UNC79: variants seen among roughly 807,000 people sequenced by gnomAD.
UNC79 encodes the protein protein unc-79 homolog.
In UNC79, 37 loss-of-function variants were observed where a neutral mutation model predicts 283.1. The ratio of observed to expected loss-of-function variants is 0.13; its 90% CI spans 0.10 to 0.17. The LOEUF is 0.17. Among genes scored for constraint, UNC79 ranks in the 10% least tolerant of loss-of-function variants. The pLI is 1.00. For missense variants in UNC79, 2,272 were observed against 3,211.1 expected (o/e 0.71, Z 7.07); for synonymous variants, 1,107 against 1,200.2 (o/e 0.92, Z 1.61).
chr14:93,502,872 T>C (rs140926357), intron 7 of UNC79, among the ~76,000 whole-genome samples: 24 of 152,242 alleles, frequency 1.6e-4, no homozygotes, highest in Non-Finnish European at 2.2e-4. Flanking sequence ...CATCAGTACA[T>C]TGGATTTTTG....
At chr14:93,608,198 A>C (rs1037579300) in intron 26 of UNC79, among the ~76,000 whole-genome samples, 2 of 152,190 alleles carry the variant, frequency 1.3e-5, no homozygotes, top group Non-Finnish European at 2.9e-5. Context: ...ACTAGGAAAT[A>C]CGAAGAATAC....
chr14:93,559,589 G>A (rs922872062), intron 14 of UNC79, among the ~76,000 whole-genome samples: 1 of 152,088 alleles, frequency 6.6e-6, no homozygotes, highest in Non-Finnish European at 1.5e-5. Flanking sequence ...CAGGGGTGGG[G>A]GTCACAAGGT....
intron 1 of UNC79, among the ~76,000 whole-genome samples, chr14:93,399,284 A>G (rs2055059622): frequency 6.6e-6 from 1 of 152,180 alleles, no homozygotes; most frequent in Admixed American, 6.6e-5. Flanking sequence ...GGGTGGGGAC[A>G]CAGCCAAACC....
chr14:93,501,186 A>G (rs1033311764), intron 7 of UNC79, among the ~76,000 whole-genome samples: 1 of 152,078 alleles, frequency 6.6e-6, no homozygotes, highest in African/African-American at 2.4e-5. Flanking sequence ...TTAACCAGGC[A>G]TGGTGGTGCA....
intron 47 of UNC79, among the ~76,000 whole-genome samples, chr14:93,703,424 C>CT (rs2075671782): frequency 6.6e-6 from 1 of 152,130 alleles, no homozygotes; most frequent in African/African-American, 2.4e-5. Flanking sequence ...GGTTCCTTGG[C>CT]TTGTAGGTCC....
intron 22 of UNC79, 97 bp downstream of exon 22, chr14:93,587,005 T>C (rs1055481695): frequency 1.3e-6 from 2 of 1,493,820 alleles, no homozygotes; most frequent in Admixed American, 4.2e-5. Flanking sequence ...GTTTGGGTTA[T>C]TTTTTGAGCC....
intron 1 of UNC79, among the ~76,000 whole-genome samples, chr14:93,406,537 A>G (rs1351394391): frequency 6.6e-6 from 1 of 152,216 alleles, no homozygotes; most frequent in Non-Finnish European, 1.5e-5. Flanking sequence ...ACAGTGAACT[A>G]TAATCATGCC....
intron 22 of UNC79, among the ~76,000 whole-genome samples, 181 bp downstream of exon 22, chr14:93,587,089 A>G (rs911500849): frequency 2.0e-5 from 3 of 152,202 alleles, no homozygotes; most frequent in Non-Finnish European, 4.4e-5. Context: ...CGTTAATACA[A>G]GGAATGGTAA....
At chr14:93,559,185 G>A (rs1271299503) in intron 14 of UNC79, among the ~76,000 whole-genome samples, 1 of 152,202 alleles carries the variant, frequency 6.6e-6, no homozygotes, top group Non-Finnish European at 1.5e-5. Flanking sequence ...ACAGGGAAGT[G>A]ACCTACAGAA....
intron 7 of UNC79, 113 bp from the exon 8 acceptor site, chr14:93,523,865 A>G (rs2060431535): frequency 2.8e-6 from 3 of 1,086,002 alleles, no homozygotes; most frequent in Admixed American, 2.3e-5. Context: ...TCTGTTAGAA[A>G]GCTTTCTGAT....
At chr14:93,645,248 G>A (rs887176097) in intron 34 of UNC79, among the ~76,000 whole-genome samples, 2 of 152,180 alleles carry the variant, frequency 1.3e-5, no homozygotes, top group African/African-American at 2.4e-5. Flanking sequence ...AGAACAATAT[G>A]TGTTCAAACA....
At chr14:93,700,709 T>A (rs1389199970) in intron 47 of UNC79, among the ~76,000 whole-genome samples, 1 of 152,230 alleles carries the variant, frequency 6.6e-6, no homozygotes, top group Non-Finnish European at 1.5e-5. Flanking sequence ...TTAAGCTTTG[T>A]TAGGTATTGA....
intron 12 of UNC79, 115 bp downstream of exon 12, chr14:93,538,333 C>A: frequency 2.9e-6 from 3 of 1,030,192 alleles, no homozygotes; most frequent in Non-Finnish European, 4.1e-6. Flanking sequence ...AGCCCAGATG[C>A]TCACCTTCCC....
chr14:93,392,373 A>C (rs1329815468), intron 1 of UNC79, among the ~76,000 whole-genome samples: 1 of 152,226 alleles, frequency 6.6e-6, no homozygotes, highest in Non-Finnish European at 1.5e-5. Flanking sequence ...AAATAAGCAA[A>C]ACTAAAGTGT....
At chr14:93,632,955 G>A (rs1477692507) in intron 31 of UNC79, among the ~76,000 whole-genome samples, 1 of 151,694 alleles carries the variant, frequency 6.6e-6, no homozygotes, top group East Asian at 1.9e-4. Flanking sequence ...ATCATGCCTG[G>A]TACCTTATAC....
At chr14:93,393,954 A>G (rs1196660656) in intron 1 of UNC79, among the ~76,000 whole-genome samples, 1 of 150,996 alleles carries the variant, frequency 6.6e-6, no homozygotes, top group African/African-American at 2.4e-5. Context: ...TCTACCTCCC[A>G]TTCAAACTCC....
rs151079202 is a variant in UNC79 at position 93,342,842 on chromosome 14, G to A, written c.-351+9319G>A. On this transcript the variant is annotated intron_variant, in intron 1 of 49. Coordinates refer to the UNC79 transcript ENST00000256339. The stretch of plus-strand genomic sequence containing the variant: ...AGTTTCACAGATCTCTAGGACAGGG[G>A]CAAAATGCTGCCAGTCTCTTTGCTA... 3.5e-3 allele frequency among the ~76,000 whole-genome samples: 533 copies of A among 152,346 alleles called. 12 individuals carry two copies. In the South Asian group the frequency reaches 0.052, roughly 15 times the overall value.
chr14:93,507,478 G>A (rs2059603515), intron 7 of UNC79, among the ~76,000 whole-genome samples: 1 of 152,084 alleles, frequency 6.6e-6, no homozygotes, highest in African/African-American at 2.4e-5. Context: ...CTGCTGTTGA[G>A]CACATTTTTA....
chr14:93,376,041 T>C (rs2054552182), intron 1 of UNC79, among the ~76,000 whole-genome samples: 1 of 152,224 alleles, frequency 6.6e-6, no homozygotes, highest in Non-Finnish European at 1.5e-5. Flanking sequence ...TCACCAGTTG[T>C]GACCTTTTGA....
Sources: allele counts gnomAD v4.1 joint callset (sites outside exome capture counted in the v4.1 genomes callset), GRCh38; gene constraint gnomAD v4.1.1; transcripts MANE v1.5; gene names NCBI Gene and HGNC (gene_info 2026-07-23, HGNC 2026-07-21).